DPY19L4: variants seen among roughly 807,000 people sequenced by gnomAD.
DPY19L4 encodes the protein dpy-19 like 4.
Under a neutral mutation model 102.8 loss-of-function variants are expected in DPY19L4, and 97 were observed. The ratio of observed to expected loss-of-function variants is 0.94; its 90% CI spans 0.80 to 1.12. The LOEUF is 1.12. DPY19L4 is among the 50% of genes most tolerant of loss of function. DPY19L4 has a pLI of 0.00. For missense variants in DPY19L4, 815 were observed against 850.4 expected (o/e 0.96, Z 0.52); for synonymous variants, 252 against 283.1 (o/e 0.89, Z 1.10).
At position 94,791,299 on chromosome 8, in the gene DPY19L4, T is replaced by C. The variant is rs1813876686; in HGVS notation, c.*1389T>C. 3.3e-5 allele frequency: 5 copies of C among 152,204 alleles called. No homozygotes were observed. The highest frequency in any genetic ancestry group is 3.3e-4 in the Admixed American group (5 of 15,280). 9.4% of individuals were successfully genotyped at this position (152,204 alleles called of 1,614,324 possible). A position where few individuals can be genotyped will look rare whatever the true frequency, so the allele number is the denominator to read the frequency against. ...ACATTAGAAGGGAGCTTTTCCGTTG[T>C]CTTTATTTTCTGTTATACATGTGTT... On this transcript the variant is annotated 3_prime_UTR_variant, in exon 19 of 19. Transcript: ENST00000414645.
At chr8:94,755,373 T>C (rs888054055) in intron 6 of DPY19L4, among the ~76,000 whole-genome samples, 4 of 151,924 alleles carry the variant, frequency 2.6e-5, no homozygotes, top group Non-Finnish European at 5.9e-5. Flanking sequence ...TAGTGAAGGA[T>C]AGCCATCTGG....
At chr8:94,746,929 T>C (rs1292354580) in intron 6 of DPY19L4, among the ~76,000 whole-genome samples, 2 of 152,210 alleles carry the variant, frequency 1.3e-5, no homozygotes, top group African/African-American at 2.4e-5. Flanking sequence ...TAGCAGGTCC[T>C]TGCAACTGTA....
chr8:94,761,351 G>A (rs1812386813), intron 7 of DPY19L4, among the ~76,000 whole-genome samples: 1 of 152,168 alleles, frequency 6.6e-6, no homozygotes, highest in African/African-American at 2.4e-5. Context: ...AAGCTCACCA[G>A]CCAGGTCTAG....
intron 13 of DPY19L4, among the ~76,000 whole-genome samples, chr8:94,771,854 T>C (rs559784437): frequency 1.7e-4 from 26 of 152,310 alleles, no homozygotes; most frequent in Middle Eastern, 3.4e-3. Context: ...TTTATTGTCT[T>C]TCAATGGCAA....
At chr8:94,776,746 C>G (rs1442542867) in intron 13 of DPY19L4, among the ~76,000 whole-genome samples, 11 of 151,764 alleles carry the variant, frequency 7.2e-5, no homozygotes, top group Non-Finnish European at 1.3e-4. Context: ...GGGTGGATCA[C>G]TTGAGGTCAG....
chr8:94,782,360 G>C (rs1201063701), intron 16 of DPY19L4, among the ~76,000 whole-genome samples: 2 of 152,104 alleles, frequency 1.3e-5, no homozygotes, highest in African/African-American at 4.8e-5. Context: ...AGCAGCAAAA[G>C]AGGGCAATTC....
At chr8:94,782,398 G>A (rs902337959) in intron 16 of DPY19L4, among the ~76,000 whole-genome samples, 2 of 152,072 alleles carry the variant, frequency 1.3e-5, no homozygotes, top group African/African-American at 4.8e-5. Context: ...TTAAGTCACT[G>A]CTTACACGGT....
intron 7 of DPY19L4, among the ~76,000 whole-genome samples, chr8:94,758,431 C>T (rs117552450): frequency 3.9e-5 from 6 of 152,258 alleles, no homozygotes; most frequent in African/African-American, 1.2e-4. Flanking sequence ...TGTTATCACA[C>T]GTATAAATTT....
chr8:94,736,032 C>G (rs550570376), intron 3 of DPY19L4, among the ~76,000 whole-genome samples: 8 of 152,248 alleles, frequency 5.3e-5, no homozygotes, highest in African/African-American at 1.9e-4. Context: ...TCTCACAGTT[C>G]TGGAGGCTGA....
At chr8:94,750,230 T>C (rs913304014) in intron 6 of DPY19L4, among the ~76,000 whole-genome samples, 1 of 152,080 alleles carries the variant, frequency 6.6e-6, no homozygotes, top group Non-Finnish European at 1.5e-5. Context: ...TCACTGTGCC[T>C]CGCGTGGTTC....
At chr8:94,788,996 C>T (rs922725944) in intron 18 of DPY19L4, among the ~76,000 whole-genome samples, 1 of 152,130 alleles carries the variant, frequency 6.6e-6, no homozygotes, top group Non-Finnish European at 1.5e-5. Flanking sequence ...TTGAATTTCT[C>T]TGTTGGTACT....
At chr8:94,739,192 C>G (rs1018061047) in intron 4 of DPY19L4, among the ~76,000 whole-genome samples, 2 of 152,018 alleles carry the variant, frequency 1.3e-5, no homozygotes, top group Non-Finnish European at 2.9e-5. Flanking sequence ...CCTCTGATAA[C>G]TTCTATTCTG....
At chr8:94,771,631 G>C (rs1364481026) in intron 13 of DPY19L4, among the ~76,000 whole-genome samples, 3 of 152,232 alleles carry the variant, frequency 2.0e-5, no homozygotes, top group Non-Finnish European at 4.4e-5. Context: ...CCTGAGACCT[G>C]AAGGGTGAGT....
chr8:94,744,481 T>G (rs1334281045), intron 6 of DPY19L4: 1 of 456,724 alleles, frequency 2.2e-6, no homozygotes, highest in Admixed American at 2.3e-5. Flanking sequence ...CCATATTTTG[T>G]CAGTTGCACA....
chr8:94,762,390 A>G (rs1423491180), intron 8 of DPY19L4, among the ~76,000 whole-genome samples: 1 of 152,158 alleles, frequency 6.6e-6, no homozygotes, highest in Non-Finnish European at 1.5e-5. Flanking sequence ...CAGGACCCTC[A>G]AGCCATCAGG....
intron 7 of DPY19L4, among the ~76,000 whole-genome samples, chr8:94,758,871 A>C (rs1262136456): frequency 2.0e-5 from 3 of 151,988 alleles, no homozygotes; most frequent in African/African-American, 7.3e-5. Context: ...AGCAGCCAGG[A>C]CTGCAGATGC....
chr8:94,786,298 TTA>T (rs1008165061), intron 17 of DPY19L4, among the ~76,000 whole-genome samples: 7 of 151,928 alleles, frequency 4.6e-5, no homozygotes, highest in African/African-American at 1.7e-4. Context: ...GGCTAATTTT[TTA>T]TGTTAGTAGA....
At chr8:94,726,989 C>T (rs189869109) in intron 2 of DPY19L4, among the ~76,000 whole-genome samples, 53 of 152,254 alleles carry the variant, frequency 3.5e-4, no homozygotes, top group Admixed American at 3.1e-3. Flanking sequence ...AGACAAAATA[C>T]GCTTACTTTT....
At chr8:94,770,718 A>G in intron 13 of DPY19L4, 147 bp downstream of exon 13, 1 of 1,008,290 alleles carries the variant, frequency 9.9e-7, no homozygotes, top group Admixed American at 2.8e-5. Context: ...CTCTGTCAAC[A>G]CTCAACATGG....
Sources: gnomAD v4.1 joint callset for allele counts (sites outside exome capture counted in the v4.1 genomes callset) on GRCh38, gnomAD v4.1.1 for gene constraint, MANE v1.5 for transcripts, NCBI Gene and HGNC (gene_info 2026-07-23, HGNC 2026-07-21) for gene names.